CEP83: variants seen among roughly 807,000 people sequenced by gnomAD.
The protein encoded by CEP83 is centrosomal protein 83.
In CEP83, 70 loss-of-function variants were observed where a neutral mutation model predicts 101.9. The observed-to-expected ratio is 0.69, with a 90% CI of 0.57 to 0.84. The LOEUF is 0.84. Among genes scored for constraint, CEP83 ranks in the 40% least tolerant of loss-of-function variants. The pLI is 0.00. For synonymous variants in CEP83, 264 were observed against 267.9 expected (o/e 0.99, Z 0.14); for missense variants, 715 against 787.2 (o/e 0.91, Z 1.10).
intron 6 of CEP83, among the ~76,000 whole-genome samples, chr12:94,393,375 C>G (rs2062683641): frequency 6.6e-6 from 1 of 152,138 alleles, no homozygotes; most frequent in Non-Finnish European, 1.5e-5. Context: ...AGACAAAAAC[C>G]ACATGATTAT....
chr12:94,315,780 A>G (rs1970588415), intron 14 of CEP83, among the ~76,000 whole-genome samples: 1 of 151,970 alleles, frequency 6.6e-6, no homozygotes, highest in Admixed American at 6.6e-5. Context: ...CTATTGACTC[A>G]CTACTATTTG....
At chr12:94,432,366 C>A (rs975780892) in intron 2 of CEP83, among the ~76,000 whole-genome samples, 1 of 152,082 alleles carries the variant, frequency 6.6e-6, no homozygotes, top group South Asian at 2.1e-4. Context: ...CTGGCCTGAA[C>A]TGTTTTTTTT....
the CEP83 span, among the ~76,000 whole-genome samples, chr12:94,291,952 T>TA: frequency 6.6e-6 from 1 of 152,206 alleles, no homozygotes; most frequent in Admixed American, 6.5e-5. Flanking sequence ...CTCCCATCTT[T>TA]ATAGACACTT....
At chr12:94,359,661 A>C (rs2060648473) in intron 11 of CEP83, among the ~76,000 whole-genome samples, 1 of 152,188 alleles carries the variant, frequency 6.6e-6, no homozygotes, top group Non-Finnish European at 1.5e-5. Flanking sequence ...CAAGAAAAAA[A>C]GCCCAGGACC....
At chr12:94,277,002 G>A in the CEP83 span, 2 of 152,166 alleles carry the variant, frequency 1.3e-5, no homozygotes, top group Non-Finnish European at 2.9e-5. Flanking sequence ...ATTTACTCTT[G>A]CGTAATTATC....
At chr12:94,301,684 A>T (rs192210319), downstream of CEP83, among the ~76,000 whole-genome samples, 121 of 152,294 alleles carry the variant, frequency 7.9e-4, 1 homozygote, top group East Asian at 0.022. Flanking sequence ...ACTGAGGAGG[A>T]GTTCTTGGGC....
chr12:94,350,951 A>G (rs553483810), intron 11 of CEP83, among the ~76,000 whole-genome samples: 2 of 152,302 alleles, frequency 1.3e-5, no homozygotes, highest in Non-Finnish European at 2.9e-5. Context: ...AAAAAACATG[A>G]GGAAGACATC....
chr12:94,327,171 G>C (rs1167253565), intron 14 of CEP83, among the ~76,000 whole-genome samples: 1 of 152,148 alleles, frequency 6.6e-6, no homozygotes, highest in Non-Finnish European at 1.5e-5. Flanking sequence ...TCAAATCGAT[G>C]CCTTAGTGTT....
chr12:94,449,779 TAAAAAAAAAA>T (rs71071787), intron 1 of CEP83, among the ~76,000 whole-genome samples: 14 of 48,568 alleles, frequency 2.9e-4, no homozygotes, highest in South Asian at 1.9e-3. Context: ...TCTCAAACAA[TAAAAAAAAAA>T]AAAAAAAAAA....
At chr12:94,275,033 C>T in the CEP83 span, among the ~76,000 whole-genome samples, 3 of 152,162 alleles carry the variant, frequency 2.0e-5, no homozygotes, top group East Asian at 3.8e-4. Context: ...TAAGGCTCAG[C>T]GAAGTTAGAC....
rs74338208 is a variant in CEP83 at position 94,366,212 on chromosome 12, T to A, written c.1343+1582A>T. ...TCCAAATGCCCAACATATTAATAAA[T>A]AAATAAACAAGGATGAGGTATGGAC... is the stretch of plus-strand genomic sequence containing the variant. On this transcript the variant is annotated intron_variant, in intron 11 of 16. Transcript: ENST00000397809. Among the ~76,000 whole-genome samples the A allele has an allele frequency of 8.1e-3, 1,235 of 151,764 alleles. 9 individuals carry two copies. The highest frequency in any genetic ancestry group is 0.02 in the Middle Eastern group (6 of 294).
intron 4 of CEP83, among the ~76,000 whole-genome samples, chr12:94,410,543 A>C (rs2063815758): frequency 6.6e-6 from 1 of 152,056 alleles, no homozygotes; most frequent in African/African-American, 2.4e-5. Context: ...TGCTTTACTT[A>C]CTTTCTGGAT....
intron 4 of CEP83, among the ~76,000 whole-genome samples, chr12:94,406,005 C>A (rs1453063178): frequency 1.3e-5 from 2 of 152,166 alleles, no homozygotes; most frequent in Non-Finnish European, 2.9e-5. Context: ...GCAGAGCTCA[C>A]AAAGACCTAA....
At chr12:94,300,922 C>T in the CEP83 span, 1 of 1,612,638 alleles carries the variant, frequency 6.2e-7, no homozygotes, top group African/African-American at 1.3e-5. Context: ...TTCCTCTTCG[C>T]TTCTGGGTAA....
chr12:94,381,591 T>A (rs1417425952), intron 6 of CEP83, among the ~76,000 whole-genome samples: 1 of 152,124 alleles, frequency 6.6e-6, no homozygotes, highest in Non-Finnish European at 1.5e-5. Flanking sequence ...AATTACTCCA[T>A]CCTTCTTTGT....
At chr12:94,309,894 T>G (rs751581840) in intron 16 of CEP83, 24 bp downstream of exon 16, 1 of 1,367,018 alleles carries the variant, frequency 7.3e-7, no homozygotes, top group Non-Finnish European at 9.7e-7. Flanking sequence ...ACTTTTTTTT[T>G]CCCCCTAAAA....
chr12:94,293,279 C>T, the CEP83 span, among the ~76,000 whole-genome samples: 1 of 152,126 alleles, frequency 6.6e-6, no homozygotes, highest in Non-Finnish European at 1.5e-5. Flanking sequence ...CAAATCGCTC[C>T]CTATCAGGAT....
chr12:94,314,632 T>C (rs1970380291), intron 14 of CEP83, among the ~76,000 whole-genome samples: 1 of 152,228 alleles, frequency 6.6e-6, no homozygotes, highest in Non-Finnish European at 1.5e-5. Context: ...ATCTGCATTA[T>C]TTCCAGTTGG....
Position 94,341,915 on chromosome 12 carries a change from C to T in CEP83, c.1344-6251G>A, listed in dbSNP as rs74682432. ...TCTAACAGAAAAGATTCTAACTGGCCAAACTGTGGGATTATCATAGGATAA... is the reference window on the plus strand; with the variant it reads ...TCTAACAGAAAAGATTCTAACTGGCTAAACTGTGGGATTATCATAGGATAA... On this transcript the variant is annotated intron_variant, in intron 11 of 16. Coordinates refer to ENST00000397809, the MANE Select transcript of CEP83 (RefSeq NM_016122.3). 4.5e-3 allele frequency among the ~76,000 whole-genome samples: 692 copies of T among 152,172 alleles called. 8 individuals are homozygous for T. The highest frequency in any genetic ancestry group is 0.016 in the African/African-American group (672 of 41,538).
Sources: allele counts gnomAD v4.1 joint callset (sites outside exome capture counted in the v4.1 genomes callset), GRCh38; gene constraint gnomAD v4.1.1; transcripts MANE v1.5; gene names NCBI Gene and HGNC (gene_info 2026-07-23, HGNC 2026-07-21).